PIGK: variants seen among roughly 807,000 people sequenced by gnomAD.
PIGK encodes phosphatidylinositol glycan anchor biosynthesis class K, also known as GPI-anchor transamidase.
PIGK carries 42 observed loss-of-function variants against 50.6 expected under a neutral mutation model. The ratio of observed to expected loss-of-function variants is 0.83; its 90% confidence interval spans 0.65 to 1.07. PIGK has a LOEUF of 1.07. Ranked by LOEUF, PIGK falls within the 50% of genes least tolerant of loss-of-function variation. The pLI is 0.00. For synonymous variants in PIGK, 151 were observed against 156.0 expected (o/e 0.97, Z 0.24); for missense variants, 448 against 488.7 (o/e 0.92, Z 0.78).
chr1:77,148,799 C>T (rs980290057), intron 9 of PIGK, among the ~76,000 whole-genome samples: 1 of 151,852 alleles, frequency 6.6e-6, no homozygotes, highest in Non-Finnish European at 1.5e-5. Context: ...ACTGCAGCCC[C>T]CGCCTCCTGG....
In PIGK at chr1:77,091,070, T is replaced by C. The variant is rs1310414897; in HGVS notation, c.*1304A>G. 6.6e-6 allele frequency: 1 copy of C among 152,050 alleles called. No homozygotes were observed. Among genetic ancestry groups the C allele is most frequent in the Non-Finnish European group, 1.5e-5 (1 of 67,990 alleles). The allele number at this position is 152,050 out of a possible 1,614,324, so 9.4% of individuals were successfully genotyped here. The stretch of plus-strand genomic sequence containing the variant: ...GTTGTCTTAATGTTACCTACAATTA[T>C]AAACAAAATTTAAAAAAAAATCTTT... On this transcript the variant is annotated 3_prime_UTR_variant, in exon 11 of 11. Coordinates refer to ENST00000370812, the MANE Select transcript of PIGK (RefSeq NM_005482.3).
intron 3 of PIGK, among the ~76,000 whole-genome samples, chr1:77,171,061 C>A (rs1557813040): frequency 6.6e-6 from 1 of 151,938 alleles, no homozygotes; most frequent in Non-Finnish European, 1.5e-5. Flanking sequence ...AACTTGAGAT[C>A]ATTAATTTAC....
At chr1:77,217,461 T>G (rs186231163) in intron 1 of PIGK, among the ~76,000 whole-genome samples, 4 of 152,196 alleles carry the variant, frequency 2.6e-5, no homozygotes, top group African/African-American at 9.6e-5. Context: ...AAGAAAAAAT[T>G]TGAAGTGTAG....
intron 10 of PIGK, among the ~76,000 whole-genome samples, chr1:77,118,352 G>A (rs1197103666): frequency 2.0e-5 from 3 of 151,976 alleles, no homozygotes; most frequent in African/African-American, 7.3e-5. Context: ...GTATCCTCCT[G>A]CCTCATCCTC....
rs973076111 is a variant in PIGK at position 77,092,447 on chromosome 1, A to G, written c.1115T>C (p.Leu372Pro). ...CATGATAATAAGTGCCCATAATCCC[A>G]GAATAAAGCCCCCAGGAGGATGCCA... ...KDWHPPGGFILGLWALIIMVF... is the reference protein window; with the variant it reads ...KDWHPPGGFIPGLWALIIMVF... Residue 372 changes from leucine (L) to proline (P), a missense_variant, in exon 11 of 11, where the codon CTG becomes CCG. Physicochemically the swap from Leu to Pro is moderately conservative, Grantham distance 98. Transcript: ENST00000370812. 1 of 1,606,976 alleles carries G rather than the reference A, an allele frequency of 6.2e-7. No homozygotes were observed. The highest frequency in any genetic ancestry group is 8.5e-7 in the Non-Finnish European group (1 of 1,176,224).
chr1:77,130,970 G>C (rs1487107434), intron 9 of PIGK, among the ~76,000 whole-genome samples: 1 of 151,952 alleles, frequency 6.6e-6, no homozygotes, highest in Non-Finnish European at 1.5e-5. Context: ...ATTAAATACT[G>C]GAAGTTTAAG....
At chr1:77,144,595 A>G (rs1002396832) in intron 9 of PIGK, among the ~76,000 whole-genome samples, 1 of 151,872 alleles carries the variant, frequency 6.6e-6, no homozygotes, top group Non-Finnish European at 1.5e-5. Flanking sequence ...ATATGGTACT[A>G]TGTTGTGCTA....
At chr1:77,184,944 C>T (rs1298629894) in intron 3 of PIGK, among the ~76,000 whole-genome samples, 1 of 152,174 alleles carries the variant, frequency 6.6e-6, no homozygotes, top group Non-Finnish European at 1.5e-5. Flanking sequence ...GTGGTGAGTC[C>T]TACCACATCC....
chr1:77,195,254 C>T, intron 3 of PIGK: 2 of 1,288,506 alleles, frequency 1.6e-6, no homozygotes, highest in Non-Finnish European at 2.2e-6. Flanking sequence ...GCTGTGGAGA[C>T]CTTGGGGCCC....
intron 1 of PIGK, among the ~76,000 whole-genome samples, chr1:77,215,902 T>C (rs537975326): frequency 6.6e-6 from 1 of 152,118 alleles, no homozygotes; most frequent in Non-Finnish European, 1.5e-5. Context: ...CTTGATCTCA[T>C]GGAAATAGAG....
At position 77,124,438 on chromosome 1, in the gene PIGK, G is replaced by A. The variant is rs181536183; in HGVS notation, c.987-2079C>T. Among the ~76,000 whole-genome samples the A allele has an allele frequency of 3.1e-3, 465 of 151,962 alleles. 1 individual carries two copies. The highest frequency in any genetic ancestry group is 4.8e-3 in the Non-Finnish European group (326 of 67,922). On this transcript the variant is annotated intron_variant, in intron 9 of 10. Transcript: ENST00000370812. ...AGCCTGGCCAACACAGTGAAACCTC[G>A]TCTCTACTAAAAATACAAAAATTAG...
intron 9 of PIGK, among the ~76,000 whole-genome samples, chr1:77,149,947 T>C (rs918319045): frequency 5.3e-5 from 8 of 150,920 alleles, no homozygotes; most frequent in African/African-American, 1.9e-4. Context: ...AGAGGACCTT[T>C]GGAAAACTAT....
At chr1:77,210,982 T>C (rs1166532862) in intron 1 of PIGK, among the ~76,000 whole-genome samples, 1 of 152,080 alleles carries the variant, frequency 6.6e-6, no homozygotes, top group Non-Finnish European at 1.5e-5. Context: ...AAGTAGAATG[T>C]ATGTTCAATT....
intron 9 of PIGK, among the ~76,000 whole-genome samples, chr1:77,140,780 CAG>C (rs1654632699): frequency 6.6e-6 from 1 of 152,110 alleles, no homozygotes; most frequent in African/African-American, 2.4e-5. Context: ...AGATACGTAT[CAG>C]TGTTTTTACA....
chr1:77,157,986 C>A (rs547834403), intron 8 of PIGK, among the ~76,000 whole-genome samples: 6 of 152,176 alleles, frequency 3.9e-5, no homozygotes, highest in African/African-American at 1.2e-4. Flanking sequence ...GAACTATAAG[C>A]CCATTAAACC....
At chr1:77,140,323 C>G (rs1418870531) in intron 9 of PIGK, among the ~76,000 whole-genome samples, 1 of 152,032 alleles carries the variant, frequency 6.6e-6, no homozygotes, top group African/African-American at 2.4e-5. Context: ...CTCTCACTCT[C>G]TTACTCTCCC....
At chr1:77,217,961 CAG>C (rs771934872) in intron 1 of PIGK, among the ~76,000 whole-genome samples, 3 of 152,130 alleles carry the variant, frequency 2.0e-5, no homozygotes, top group Non-Finnish European at 2.9e-5. Context: ...AGGAGGGAAA[CAG>C]AACTTCTATT....
intron 8 of PIGK, among the ~76,000 whole-genome samples, chr1:77,158,646 T>A (rs1655066362): frequency 6.6e-6 from 1 of 152,188 alleles, no homozygotes; most frequent in African/African-American, 2.4e-5. Flanking sequence ...TTGCTATGCT[T>A]TAGCAAAGAG....
chr1:77,148,850 G>T lies in PIGK; in HGVS notation c.986+5599C>A, dbSNP rs188058919. 3.8e-3 allele frequency among the ~76,000 whole-genome samples: 573 copies of T among 152,096 alleles called. 4 individuals carry two copies. The highest frequency in any genetic ancestry group is 6.9e-3 in the Non-Finnish European group (468 of 67,986). On this transcript the variant is annotated intron_variant, in intron 9 of 10. Transcript: ENST00000370812. ...CTGCCTCACCCTCTTAAGTAGCTGG[G>T]ACTACAGGTGCGCACTGCCACGCTC...
Sources: gnomAD v4.1 joint callset for allele counts (sites outside exome capture counted in the v4.1 genomes callset) on GRCh38, gnomAD v4.1.1 for gene constraint, MANE v1.5 for transcripts, NCBI Gene and HGNC (gene_info 2026-07-23, HGNC 2026-07-21) for gene names.